The following KCNH1 variants were observed in gnomAD, a reference collection of about 807,000 sequenced individuals.
KCNH1 encodes the protein potassium voltage-gated channel subfamily H member 1.
A neutral mutation model predicts 69.2 loss-of-function variants in KCNH1; 27 were observed. The observed-to-expected ratio is 0.39, with a 90% CI of 0.29 to 0.54. The LOEUF (loss-of-function observed/expected upper bound fraction) is 0.54. KCNH1 is among the 20% of genes least tolerant of loss of function. The pLI is 0.68. For synonymous variants in KCNH1, 456 were observed against 487.7 expected (o/e 0.93, Z 0.86); for missense variants, 798 against 1,261.6 (o/e 0.63, Z 5.57).
intron 7 of KCNH1, among the ~76,000 whole-genome samples, chr1:210,844,021 G>A (rs1010243773): frequency 3.3e-5 from 5 of 152,098 alleles, no homozygotes; most frequent in Admixed American, 3.3e-4. Flanking sequence ...AAGGACTTCT[G>A]TCATGGCCCA....
At chr1:210,726,816 TGGG>T (rs111681585) in intron 10 of KCNH1, among the ~76,000 whole-genome samples, 1 of 140,480 alleles carries the variant, frequency 7.1e-6, no homozygotes, top group Admixed American at 7.1e-5. Flanking sequence ...CCGGCGGGGG[TGGG>T]GTGGACTACT....
chr1:210,731,245 G>A lies in KCNH1; in HGVS notation c.2112+44103C>T, dbSNP rs1037273190. On this transcript the variant is annotated intron_variant, in intron 10 of 10. Coordinates refer to ENST00000271751, the MANE Select transcript of KCNH1 (RefSeq NM_172362.3). ...GTTACAGTGAGCGTGTATCCATGTCGCTTTACATCTTATAAAAGCCCATAT... is the reference window on the plus strand; with the variant it reads ...GTTACAGTGAGCGTGTATCCATGTCACTTTACATCTTATAAAAGCCCATAT... 2.0e-5 allele frequency among the ~76,000 whole-genome samples: 3 copies of A among 152,074 alleles called. No individual in the cohort carries two copies. The East Asian group carries it at 5.8e-4, about 29-fold the overall frequency.
chr1:210,775,203 C>T (rs911056120), intron 10 of KCNH1, 145 bp downstream of exon 10: 12 of 666,650 alleles, frequency 1.8e-5, no homozygotes, highest in African/African-American at 1.1e-4. Flanking sequence ...TAGCAAAAGC[C>T]CCGCAGAGCA....
At chr1:211,103,349 T>C in intron 3 of KCNH1, 147 bp downstream of exon 3, 2 of 562,784 alleles carry the variant, frequency 3.6e-6, no homozygotes, top group South Asian at 4.5e-5. Flanking sequence ...TCAATCTATA[T>C]CATCCATCCC....
chr1:210,987,083 C>T (rs576590689), intron 6 of KCNH1, among the ~76,000 whole-genome samples: 4 of 152,236 alleles, frequency 2.6e-5, no homozygotes, highest in Middle Eastern at 3.4e-3. Flanking sequence ...AATCAGCTAC[C>T]GAGGCTTGTG....
chr1:211,069,735 T>C (rs1021811521), intron 5 of KCNH1, among the ~76,000 whole-genome samples: 1 of 145,822 alleles, frequency 6.9e-6, no homozygotes, highest in African/African-American at 2.6e-5. Flanking sequence ...ACAAAATTAT[T>C]ACAGTACTAC....
intron 10 of KCNH1, among the ~76,000 whole-genome samples, chr1:210,699,315 T>C (rs1351259558): frequency 3.3e-5 from 5 of 152,150 alleles, no homozygotes; most frequent in African/African-American, 1.2e-4. Context: ...GGAGGGACAG[T>C]CCTATGCCTG....
intron 10 of KCNH1, among the ~76,000 whole-genome samples, chr1:210,753,465 G>C (rs1246251737): frequency 3.9e-5 from 6 of 152,224 alleles, no homozygotes; most frequent in Non-Finnish European, 7.3e-5. Flanking sequence ...TTCCCCATGG[G>C]GTTGTCCTCG....
At chr1:210,739,142 C>A (rs2149035867) in intron 10 of KCNH1, among the ~76,000 whole-genome samples, 2 of 152,262 alleles carry the variant, frequency 1.3e-5, no homozygotes, top group South Asian at 2.1e-4. Context: ...GTTCTACAAT[C>A]TTATTAAAAA....
intron 6 of KCNH1, among the ~76,000 whole-genome samples, chr1:211,000,386 C>T (rs1343666478): frequency 3.9e-5 from 6 of 152,036 alleles, no homozygotes; most frequent in South Asian, 2.1e-4. Context: ...AACAGAGAGC[C>T]GAATCATGAG....
intron 6 of KCNH1, among the ~76,000 whole-genome samples, chr1:210,925,527 G>A (rs560591491): frequency 2.7e-4 from 41 of 152,268 alleles, no homozygotes; most frequent in African/African-American, 8.7e-4. Context: ...GTGCTGTTGC[G>A]GGGGACATGG....
intron 5 of KCNH1, among the ~76,000 whole-genome samples, chr1:211,057,323 A>C (rs1690329370): frequency 6.6e-6 from 1 of 152,106 alleles, no homozygotes; most frequent in South Asian, 2.1e-4. Context: ...TTGAAAATAC[A>C]CAAAGGAGAC....
chr1:210,793,156 T>C (rs997031183), intron 9 of KCNH1, among the ~76,000 whole-genome samples: 2 of 152,100 alleles, frequency 1.3e-5, no homozygotes, highest in African/African-American at 2.4e-5. Flanking sequence ...CAAAAGGATA[T>C]AAGAAGGATT....
intron 10 of KCNH1, among the ~76,000 whole-genome samples, chr1:210,686,861 CTTA>C (rs1681419111): frequency 6.6e-6 from 1 of 152,098 alleles, no homozygotes; most frequent in Non-Finnish European, 1.5e-5. Context: ...TAAATTTTTG[CTTA>C]TTATTTGCCC....
chr1:210,903,618 T>C (rs1687040357), intron 7 of KCNH1, among the ~76,000 whole-genome samples: 1 of 152,184 alleles, frequency 6.6e-6, no homozygotes, highest in Non-Finnish European at 1.5e-5. Context: ...GCATTCATAA[T>C]AAACAGAAAA....
At chr1:211,045,224 C>T (rs952721015) in intron 5 of KCNH1, among the ~76,000 whole-genome samples, 3 of 151,284 alleles carry the variant, frequency 2.0e-5, no homozygotes, top group African/African-American at 7.3e-5. Context: ...TATGAGGATA[C>T]AAAGGCACAA....
At chr1:210,720,350 T>C (rs1682422483) in intron 10 of KCNH1, among the ~76,000 whole-genome samples, 1 of 152,112 alleles carries the variant, frequency 6.6e-6, no homozygotes, top group Non-Finnish European at 1.5e-5. Context: ...ATAACGCAAA[T>C]AGAATTTCAG....
intron 10 of KCNH1, among the ~76,000 whole-genome samples, chr1:210,757,419 A>T (rs1246722912): frequency 6.6e-6 from 1 of 152,186 alleles, no homozygotes; most frequent in African/African-American, 2.4e-5. Flanking sequence ...TTCCTCAAAG[A>T]GTTTCCTAAC....
intron 10 of KCNH1, among the ~76,000 whole-genome samples, chr1:210,765,614 G>A (rs778649854): frequency 3.3e-5 from 5 of 152,144 alleles, no homozygotes; most frequent in African/African-American, 4.8e-5. Context: ...TGGCACCAGG[G>A]GTATCTGCAG....
Sources: gnomAD v4.1 joint callset for allele counts (sites outside exome capture counted in the v4.1 genomes callset) on GRCh38, gnomAD v4.1.1 for gene constraint, MANE v1.5 for transcripts, NCBI Gene and HGNC (gene_info 2026-07-23, HGNC 2026-07-21) for gene names.